Variants in PHF21B observed in about 807,000 individuals in gnomAD.
The protein encoded by PHF21B is PHD finger protein 21B.
In PHF21B, 22 loss-of-function variants were observed where a neutral mutation model predicts 62.2. The ratio of observed to expected loss-of-function variants is 0.35; its 90% CI spans 0.25 to 0.51. The LOEUF (loss-of-function observed/expected upper bound fraction) is 0.51, where lower values mean the gene tolerates loss of function less well. PHF21B is among the 20% of genes least tolerant of loss of function. The pLI is 0.97. For missense variants in PHF21B, 701 were observed against 707.9 expected (o/e 0.99, Z 0.11); for synonymous variants, 341 against 314.7 (o/e 1.08, Z -0.88).
intron 2 of PHF21B, among the ~76,000 whole-genome samples, chr22:44,931,058 C>T (rs1196111246): frequency 6.6e-6 from 1 of 152,188 alleles, no homozygotes; most frequent in East Asian, 1.9e-4. Context: ...GAGTCATTTT[C>T]TTTCTTTCTT....
chr22:44,892,081 G>A (rs1238683313), intron 7 of PHF21B, among the ~76,000 whole-genome samples: 1 of 152,098 alleles, frequency 6.6e-6, no homozygotes, highest in Non-Finnish European at 1.5e-5. Flanking sequence ...CCTCAGACTT[G>A]GGAGCCTAGA....
At chr22:44,893,114 AG>A (rs769765385) in intron 7 of PHF21B, among the ~76,000 whole-genome samples, 2 of 152,160 alleles carry the variant, frequency 1.3e-5, no homozygotes, top group East Asian at 3.9e-4. Context: ...GAGGTGGTCC[AG>A]GGAGGCCAGG....
At chr22:44,920,655 C>G (rs552497960) in intron 2 of PHF21B, among the ~76,000 whole-genome samples, 165 bp from the exon 3 acceptor site, 1 of 152,346 alleles carries the variant, frequency 6.6e-6, no homozygotes, top group South Asian at 2.1e-4. Flanking sequence ...ATCGATATTC[C>G]TTCCAGAAAG....
At chr22:44,987,712 G>A (rs1435564351) in intron 2 of PHF21B, among the ~76,000 whole-genome samples, 2 of 151,738 alleles carry the variant, frequency 1.3e-5, no homozygotes, top group Non-Finnish European at 1.5e-5. Flanking sequence ...TTGAGGGCAG[G>A]CATTGAGGTT....
intron 6 of PHF21B, among the ~76,000 whole-genome samples, chr22:44,894,800 G>A (rs1278889129): frequency 1.3e-5 from 2 of 152,176 alleles, no homozygotes; most frequent in African/African-American, 2.4e-5. Flanking sequence ...TAAAGGGAGA[G>A]GGCTGTCTTC....
chr22:44,958,485 CTTAG>C (rs1019347511), intron 2 of PHF21B, among the ~76,000 whole-genome samples: 7 of 152,110 alleles, frequency 4.6e-5, no homozygotes, highest in East Asian at 3.9e-4. Flanking sequence ...TCTGAAACTC[CTTAG>C]TTAGAGATTT....
At chr22:44,947,056 A>C (rs1397763869) in intron 2 of PHF21B, among the ~76,000 whole-genome samples, 1 of 152,208 alleles carries the variant, frequency 6.6e-6, no homozygotes, top group African/African-American at 2.4e-5. Context: ...TCCCCTGTTA[A>C]ACGTGAGAAA....
intron 2 of PHF21B, among the ~76,000 whole-genome samples, chr22:45,004,761 A>T (rs2073284011): frequency 6.6e-6 from 1 of 152,230 alleles, no homozygotes; most frequent in South Asian, 2.1e-4. Flanking sequence ...ACAGCTGGTA[A>T]GTCATGGTGA....
At chr22:44,917,819 GT>G (rs1270234697) in intron 3 of PHF21B, among the ~76,000 whole-genome samples, 1 of 152,202 alleles carries the variant, frequency 6.6e-6, no homozygotes, top group African/African-American at 2.4e-5. Context: ...CCTTGGGCAG[GT>G]CACCAAGGCA....
intron 5 of PHF21B, among the ~76,000 whole-genome samples, chr22:44,898,310 G>C (rs1046171234): frequency 8.1e-5 from 12 of 148,736 alleles, no homozygotes; most frequent in South Asian, 2.2e-4. Context: ...GGTAGGTTTG[G>C]GGGAGGAAGA....
At chr22:44,984,230 TCACCAC>T (rs1302198236) in intron 2 of PHF21B, among the ~76,000 whole-genome samples, 2 of 10,190 alleles carry the variant, frequency 2.0e-4, no homozygotes, top group African/African-American at 7.6e-4. Context: ...ACCATCACCA[TCACCAC>T]CCTCATTACC....
intron 2 of PHF21B, among the ~76,000 whole-genome samples, chr22:44,986,428 C>T (rs1471923086): frequency 6.6e-6 from 1 of 150,926 alleles, no homozygotes; most frequent in East Asian, 1.9e-4. Context: ...CCTGCATCCG[C>T]ATGATCCAAT....
At chr22:44,922,885 A>T (rs1044432286) in intron 2 of PHF21B, among the ~76,000 whole-genome samples, 3 of 152,246 alleles carry the variant, frequency 2.0e-5, no homozygotes, top group African/African-American at 7.2e-5. Context: ...TAAGATTTCA[A>T]TCCTTCCCAG....
At chr22:44,955,899 A>G (rs531893438) in intron 2 of PHF21B, among the ~76,000 whole-genome samples, 15 of 152,296 alleles carry the variant, frequency 9.8e-5, no homozygotes, top group African/African-American at 2.4e-5. Flanking sequence ...TCAGCACTCA[A>G]AGACGCTTCC....
At position 44,885,879 on chromosome 22, in the gene PHF21B, A is replaced by G. The variant is rs374547816; in HGVS notation, c.1257T>C (p.Tyr419=). 6.2e-6 allele frequency: 10 copies of G among 1,614,154 alleles called. 1 individual carries two copies. The highest frequency in any genetic ancestry group is 4.0e-5 in the African/African-American group (3 of 75,068). Reference sequence around the variant, plus strand: ...ATGCCTCACCTGTCTTGTGGGTGACATAAGAGTGCACGATGGCCAGCATCC... The same window carrying G: ...ATGCCTCACCTGTCTTGTGGGTGACGTAAGAGTGCACGATGGCCAGCATCC... ...WTGMLAIVHS[Y]VTHKTVKEEE... Residue 419 remains tyrosine (Y), a synonymous_variant, in exon 11 of 13, where the codon TAT becomes TAC. Transcript: ENST00000313237.
chr22:44,974,017 C>T (rs907931376), intron 2 of PHF21B, among the ~76,000 whole-genome samples: 2 of 152,210 alleles, frequency 1.3e-5, no homozygotes, highest in African/African-American at 4.8e-5. Flanking sequence ...GCTGACACTC[C>T]TCCTTGCTCA....
intron 2 of PHF21B, among the ~76,000 whole-genome samples, chr22:44,949,680 T>C (rs1054788035): frequency 6.6e-6 from 1 of 152,164 alleles, no homozygotes; most frequent in Non-Finnish European, 1.5e-5. Flanking sequence ...CTCTGGCCAG[T>C]GATCTACCTT....
rs115091930 is a variant in PHF21B at position 44,901,260 on chromosome 22, G to A, written c.832-5177C>T. On this transcript the variant is annotated intron_variant, in intron 5 of 12. Transcript: ENST00000313237. ...AGGATGCCCTGAGCTGCTGGCAGCC[G>A]TTTTACTGGCCTGACCTGGGAAGGC... 9.2e-3 allele frequency among the ~76,000 whole-genome samples: 1,397 copies of A among 152,302 alleles called. 18 individuals carry two copies. The highest frequency in any genetic ancestry group is 0.031 in the African/African-American group (1,270 of 41,568).
Position 44,909,739 on chromosome 22 carries a change from T to C in PHF21B, c.831+4083A>G, listed in dbSNP as rs1196843554. ...TTTCCCACTCGTGTGCTATTGCCTA[T>C]GCAGTGCCCTCCAGCTGGTGAGCTA... On this transcript the variant is annotated intron_variant, in intron 5 of 12. Transcript: ENST00000313237. Among the ~76,000 whole-genome samples, 3 of 152,372 alleles carry C rather than the reference T, an allele frequency of 2.0e-5. No individual in the cohort carries two copies. In the South Asian group the frequency reaches 6.2e-4, roughly 32 times the overall value.
Sources: gnomAD v4.1 joint callset for allele counts (sites outside exome capture counted in the v4.1 genomes callset) on GRCh38, gnomAD v4.1.1 for gene constraint, MANE v1.5 for transcripts, NCBI Gene and HGNC (gene_info 2026-07-23, HGNC 2026-07-21) for gene names.